The following ERC2 variants were observed in gnomAD, a reference collection of about 807,000 sequenced individuals.
ERC2 encodes the protein ERC protein 2.
In ERC2, 42 loss-of-function variants were observed where a neutral mutation model predicts 114.8. The observed-to-expected ratio is 0.37, with a 90% CI of 0.29 to 0.47. The LOEUF (loss-of-function observed/expected upper bound fraction) is 0.47, where lower values mean the gene tolerates loss of function less well. Ranked by LOEUF, ERC2 falls within the 20% of genes least tolerant of loss-of-function variation. The pLI is 0.99. For missense variants in ERC2, 939 were observed against 1,150.7 expected, an observed-to-expected ratio of 0.82 and a Z score of 2.66; for synonymous variants, 454 against 425.5, an observed-to-expected ratio of 1.07 and a Z score of -0.82.
At chr3:55,977,213 C>A (rs997317877) in intron 12 of ERC2, among the ~76,000 whole-genome samples, 3 of 152,120 alleles carry the variant, frequency 2.0e-5, no homozygotes, top group East Asian at 3.9e-4. Flanking sequence ...GACAATTGTT[C>A]TTATAGTCTT....
intron 2 of ERC2, among the ~76,000 whole-genome samples, chr3:56,424,024 T>C (rs989667): frequency 1.3e-5 from 2 of 152,234 alleles, no homozygotes; most frequent in Non-Finnish European, 2.9e-5. Flanking sequence ...CTGGCCAGAA[T>C]AGGCCACATT....
chr3:56,456,565 T>TAG lies in ERC2; in HGVS notation c.-141+11681_-141+11682dup, dbSNP rs145980108. Among the ~76,000 whole-genome samples, 206 of 152,336 alleles carry TAG rather than the reference T, an allele frequency of 1.4e-3. 2 individuals are homozygous for TAG. Among genetic ancestry groups the TAG allele is most frequent in the African/African-American group, 4.6e-3 (190 of 41,582 alleles). ...TTTTTTCCAACATTTCATACATACA[T>TAG]AGCCTTTAACTTCACTCACAACTAT... On this transcript the variant is annotated intron_variant, in intron 1 of 17. Coordinates refer to ENST00000288221, the MANE Select transcript of ERC2 (RefSeq NM_015576.3).
At chr3:56,326,555 C>A (rs114952095) in intron 2 of ERC2, among the ~76,000 whole-genome samples, 3,608 of 152,348 alleles carry the variant, frequency 0.024, 46 homozygotes, top group South Asian at 0.071. Flanking sequence ...ACTTATTAAT[C>A]CTGTACATGC....
At chr3:55,768,111 T>C (rs1048358583) in intron 14 of ERC2, among the ~76,000 whole-genome samples, 1 of 152,218 alleles carries the variant, frequency 6.6e-6, no homozygotes, top group Non-Finnish European at 1.5e-5. Context: ...TCTACTATGA[T>C]TGTAAGTTTC....
chr3:56,143,742 G>A (rs1003254598), intron 5 of ERC2, among the ~76,000 whole-genome samples: 1 of 152,112 alleles, frequency 6.6e-6, no homozygotes, highest in African/African-American at 2.4e-5. Context: ...TCCTGCTATG[G>A]CTTAGCTTTG....
rs767446784 is a variant in ERC2, at chr3:56,139,644, T to C, written c.1338A>G (p.Lys446=). 5.6e-6 allele frequency: 9 copies of C among 1,609,042 alleles called. No individual in the cohort carries two copies. Among genetic ancestry groups the C allele is most frequent in the South Asian group, 3.3e-5 (3 of 90,108 alleles). The change falls in exon 6 of 18, where the codon AAA becomes AAG. Residue 446 remains lysine (K), a synonymous_variant. Coordinates refer to ENST00000288221, the MANE Select transcript of ERC2 (RefSeq NM_015576.3). ...TTTGTAAGGCAAGAAGTTCCGACTC[T>C]TTCTTTGAAAGTTCCTGCTTCAGCT... The part of the protein sequence containing the change: ...IDQLKQELSK[K]ESELLALQTK...
intron 12 of ERC2, among the ~76,000 whole-genome samples, chr3:55,984,250 C>T (rs2070394505): frequency 6.6e-6 from 1 of 151,808 alleles, no homozygotes; most frequent in Non-Finnish European, 1.5e-5. Context: ...CCAGCCCTGT[C>T]TTCTGAGAGT....
At chr3:55,653,564 AGTGTGTGT>A (rs36231107) in intron 17 of ERC2, among the ~76,000 whole-genome samples, 43,177 of 140,812 alleles carry the variant, frequency 0.31, 6,955 homozygotes, top group East Asian at 0.38. Context: ...ACCTGGTAAA[AGTGTGTGT>A]GTGTGTGTGT....
intron 16 of ERC2, among the ~76,000 whole-genome samples, chr3:55,693,984 C>T (rs527533126): frequency 5.3e-5 from 8 of 152,296 alleles, no homozygotes; most frequent in Non-Finnish European, 1.0e-4. Context: ...GTTGGGATTA[C>T]AGGTGTGAGT....
chr3:56,127,890 T>C (rs2079971209), intron 6 of ERC2, among the ~76,000 whole-genome samples: 1 of 152,000 alleles, frequency 6.6e-6, no homozygotes, highest in African/African-American at 2.4e-5. Context: ...CTTCAATAAA[T>C]GGTACTGGGA....
chr3:55,939,929 G>A (rs554190685), intron 13 of ERC2, among the ~76,000 whole-genome samples: 2 of 152,276 alleles, frequency 1.3e-5, no homozygotes, highest in South Asian at 4.1e-4. Context: ...TATTATAACC[G>A]ATTGCTCTAA....
chr3:56,297,321 G>GA (rs2055513341), intron 2 of ERC2, among the ~76,000 whole-genome samples: 1 of 151,090 alleles, frequency 6.6e-6, no homozygotes, highest in African/African-American at 2.4e-5. Context: ...AAAAAAAAAA[G>GA]AAAGACCAAA....
intron 3 of ERC2, among the ~76,000 whole-genome samples, chr3:56,286,794 A>G (rs1259444219): frequency 6.6e-6 from 1 of 151,958 alleles, no homozygotes; most frequent in African/African-American, 2.4e-5. Context: ...GCTGCAGGCC[A>G]CATTTGGCCC....
chr3:55,753,277 G>A (rs938233901), intron 14 of ERC2, among the ~76,000 whole-genome samples: 1 of 152,128 alleles, frequency 6.6e-6, no homozygotes, highest in African/African-American at 2.4e-5. Context: ...GAAAACAGGG[G>A]TAACATAGAA....
intron 3 of ERC2, among the ~76,000 whole-genome samples, chr3:56,201,737 C>A (rs947561859): frequency 1.3e-5 from 2 of 152,182 alleles, no homozygotes; most frequent in Admixed American, 1.3e-4. Context: ...CAATATATAA[C>A]TATCGGACAC....
At chr3:56,096,042 G>A (rs1380683372) in intron 6 of ERC2, among the ~76,000 whole-genome samples, 1 of 152,054 alleles carries the variant, frequency 6.6e-6, no homozygotes, top group Admixed American at 6.6e-5. Context: ...CATAAAATGA[G>A]GGTAATAATA....
chr3:55,923,715 C>G (rs1023433813), intron 13 of ERC2, among the ~76,000 whole-genome samples: 1 of 152,090 alleles, frequency 6.6e-6, no homozygotes, highest in African/African-American at 2.4e-5. Flanking sequence ...TTGTGGTAGA[C>G]AGAATCACAA....
Position 56,435,046 on chromosome 3 carries a change from G to A in ERC2, c.-39C>T. The A allele has an allele frequency of 2.0e-6, 3 of 1,484,694 alleles. No individual in the cohort carries two copies. The highest frequency in any genetic ancestry group is 1.4e-5 in the African/African-American group (1 of 71,902). The allele number at this position is 1,484,694 out of a possible 1,614,324, so 92.0% of individuals were successfully genotyped here. ...TGAGGTGTTACTGAAGAGAAGAAAT[G>A]CTATATTAAGTTGGGGTTTGAGCTA... On this transcript the variant is annotated 5_prime_UTR_variant, in exon 2 of 18. Coordinates refer to ENST00000288221, the MANE Select transcript of ERC2 (RefSeq NM_015576.3).
chr3:55,862,371 A>G (rs925380147), intron 14 of ERC2, among the ~76,000 whole-genome samples: 23 of 152,148 alleles, frequency 1.5e-4, no homozygotes, highest in Non-Finnish European at 1.2e-4. Flanking sequence ...TAAATATGGA[A>G]AGATGTCCTT....
Sources: gnomAD v4.1 joint callset for allele counts (sites outside exome capture counted in the v4.1 genomes callset) on GRCh38, gnomAD v4.1.1 for gene constraint, MANE v1.5 for transcripts, NCBI Gene and HGNC (gene_info 2026-07-23, HGNC 2026-07-21) for gene names.